The following PPP1R9A variants were observed in gnomAD, a reference collection of about 807,000 sequenced individuals.
PPP1R9A encodes neurabin-1.
PPP1R9A carries 59 observed loss-of-function variants against 141.9 expected under a neutral mutation model. The ratio of observed to expected loss-of-function variants is 0.42; its 90% CI spans 0.34 to 0.52. PPP1R9A has a LOEUF of 0.52. Ranked by LOEUF, PPP1R9A falls within the 20% of genes least tolerant of loss-of-function variation. PPP1R9A has a pLI of 0.10. For missense variants in PPP1R9A, 1,444 were observed against 1,611.9 expected (o/e 0.90, Z 1.78); for synonymous variants, 500 against 569.7 (o/e 0.88, Z 1.74).
chr7:95,120,543 G>C (rs1212131519), intron 3 of PPP1R9A, among the ~76,000 whole-genome samples, 169 bp from the exon 4 acceptor site: 2 of 152,196 alleles, frequency 1.3e-5, no homozygotes, highest in African/African-American at 4.8e-5. Flanking sequence ...GATCTCATTA[G>C]ATACCCTTAC....
chr7:95,070,063 A>G (rs1221617438), intron 2 of PPP1R9A, among the ~76,000 whole-genome samples: 4 of 152,098 alleles, frequency 2.6e-5, no homozygotes, highest in Non-Finnish European at 4.4e-5. Flanking sequence ...GGGTGCAACT[A>G]TTATGTTATT....
intron 7 of PPP1R9A, among the ~76,000 whole-genome samples, chr7:95,211,083 A>C (rs1225556662): frequency 6.6e-6 from 1 of 151,982 alleles, no homozygotes; most frequent in Non-Finnish European, 1.5e-5. Context: ...CCACCATGGC[A>C]CATGCATACC....
intron 4 of PPP1R9A, among the ~76,000 whole-genome samples, chr7:95,152,242 G>T (rs992663976): frequency 1.3e-5 from 2 of 152,030 alleles, no homozygotes; most frequent in Non-Finnish European, 2.9e-5. Flanking sequence ...GAGCCACTGC[G>T]CCTGGCCTGA....
At chr7:94,965,437 GT>G (rs2151166924) in intron 2 of PPP1R9A, among the ~76,000 whole-genome samples, 1 of 152,076 alleles carries the variant, frequency 6.6e-6, no homozygotes, top group South Asian at 2.1e-4. Context: ...TTCTTCTAGG[GT>G]TTTTATGGTT....
chr7:95,128,157 C>A (rs1823913177), intron 4 of PPP1R9A, among the ~76,000 whole-genome samples: 1 of 152,172 alleles, frequency 6.6e-6, no homozygotes, highest in Non-Finnish European at 1.5e-5. Context: ...TCCCTTTTCT[C>A]CACAGCCTCA....
At chr7:94,945,336 A>T (rs1346303689) in intron 2 of PPP1R9A, among the ~76,000 whole-genome samples, 2 of 152,144 alleles carry the variant, frequency 1.3e-5, no homozygotes, top group Non-Finnish European at 2.9e-5. Context: ...TCTTAAGGTC[A>T]AATGAATACA....
At chr7:95,255,547 C>A (rs1307154817) in intron 12 of PPP1R9A, among the ~76,000 whole-genome samples, 1 of 152,228 alleles carries the variant, frequency 6.6e-6, no homozygotes, top group African/African-American at 2.4e-5. Flanking sequence ...AGGTGGTACA[C>A]TGACTTGTAA....
intron 6 of PPP1R9A, among the ~76,000 whole-genome samples, chr7:95,201,481 C>T (rs1464375912): frequency 6.6e-6 from 1 of 152,114 alleles, no homozygotes; most frequent in East Asian, 1.9e-4. Context: ...AAAATCCACT[C>T]CAATGTTAAA....
At chr7:94,918,638 T>C (rs1792382425) in intron 2 of PPP1R9A, among the ~76,000 whole-genome samples, 1 of 152,138 alleles carries the variant, frequency 6.6e-6, no homozygotes. Flanking sequence ...CTGTGAATTG[T>C]CATTCCCAAT....
intron 4 of PPP1R9A, chr7:95,155,742 A>T (rs1426053090): frequency 1.3e-5 from 2 of 152,240 alleles, no homozygotes; most frequent in African/African-American, 4.8e-5. Context: ...TGAGATTATA[A>T]ATACAGTTCA....
At chr7:95,188,258 G>GTTGT (rs1834937302) in intron 5 of PPP1R9A, among the ~76,000 whole-genome samples, 1 of 151,846 alleles carries the variant, frequency 6.6e-6, no homozygotes, top group Admixed American at 6.6e-5. Context: ...TTTTTTAACT[G>GTTGT]TTGTTGCTTT....
intron 5 of PPP1R9A, among the ~76,000 whole-genome samples, chr7:95,179,820 G>C (rs1452997725): frequency 7.9e-6 from 1 of 126,744 alleles, no homozygotes; most frequent in Non-Finnish European, 1.7e-5. Context: ...ACCTAACCAA[G>C]AAGGGGAAAG....
intron 2 of PPP1R9A, among the ~76,000 whole-genome samples, chr7:94,941,114 C>T (rs575867589): frequency 1.5e-4 from 23 of 151,930 alleles, no homozygotes; most frequent in Admixed American, 6.5e-5. Context: ...ATTCAGAAGT[C>T]GCAGGACAGA....
chr7:95,063,243 C>G (rs905245948), intron 2 of PPP1R9A, among the ~76,000 whole-genome samples: 9 of 152,020 alleles, frequency 5.9e-5, no homozygotes, highest in African/African-American at 2.2e-4. Flanking sequence ...TCTTGTGTGA[C>G]CCTGTATATG....
intron 12 of PPP1R9A, among the ~76,000 whole-genome samples, chr7:95,261,117 G>A (rs1164018443): frequency 1.3e-5 from 2 of 152,176 alleles, no homozygotes; most frequent in Admixed American, 6.5e-5. Flanking sequence ...AGTGTGGTTT[G>A]TATATGAAGT....
At chr7:95,072,551 G>A (rs1813993444) in intron 2 of PPP1R9A, among the ~76,000 whole-genome samples, 2 of 137,084 alleles carry the variant, frequency 1.5e-5, no homozygotes, top group East Asian at 2.0e-4. Context: ...TACGGTGTCT[G>A]TCAGAATTAG....
At chr7:95,233,434 G>A (rs543567301) in intron 8 of PPP1R9A, among the ~76,000 whole-genome samples, 29 of 152,200 alleles carry the variant, frequency 1.9e-4, no homozygotes, top group African/African-American at 6.3e-4. Context: ...GTTGATGGGT[G>A]CAGCAGCCTA....
At chr7:94,988,162 G>A (rs929270591) in intron 2 of PPP1R9A, among the ~76,000 whole-genome samples, 2 of 151,980 alleles carry the variant, frequency 1.3e-5, no homozygotes, top group African/African-American at 4.8e-5. Context: ...TAAAATACCA[G>A]AAAATTTTGT....
chr7:95,218,255 A>T (rs971156303), intron 7 of PPP1R9A, among the ~76,000 whole-genome samples: 2 of 152,296 alleles, frequency 1.3e-5, no homozygotes, highest in East Asian at 1.9e-4. Context: ...CAGCTTGTTC[A>T]GTTTCCATGT....
Sources: gnomAD v4.1 joint callset for allele counts (sites outside exome capture counted in the v4.1 genomes callset) on GRCh38, gnomAD v4.1.1 for gene constraint, MANE v1.5 for transcripts, NCBI Gene and HGNC (gene_info 2026-07-23, HGNC 2026-07-21) for gene names.